The following SEC14L3 variants were observed in gnomAD, a reference collection of about 807,000 sequenced individuals.
The protein encoded by SEC14L3 is SEC14-like protein 3.
Under a neutral mutation model 57.4 loss-of-function variants are expected in SEC14L3, and 56 were observed. The ratio of observed to expected loss-of-function variants is 0.97; its 90% CI spans 0.79 to 1.22. The LOEUF (loss-of-function observed/expected upper bound fraction) is 1.22. Among genes scored for constraint, SEC14L3 ranks in the 50% most tolerant of loss-of-function variants. SEC14L3 has a pLI of 0.00. For missense variants in SEC14L3, 485 were observed against 511.7 expected, an observed-to-expected ratio of 0.95 and a Z score of 0.50; for synonymous variants, 173 against 194.4, an observed-to-expected ratio of 0.89 and a Z score of 0.92.
downstream of SEC14L3, among the ~76,000 whole-genome samples, chr22:30,454,720 C>CTATAATA (rs1472345420): frequency 1.4e-5 from 1 of 71,950 alleles, no homozygotes; most frequent in Non-Finnish European, 2.3e-5. Flanking sequence ...TATATATAAT[C>CTATAATA]TATAATCTAT....
intron 6 of SEC14L3, among the ~76,000 whole-genome samples, chr22:30,466,706 A>G (rs202095647): frequency 6.6e-6 from 1 of 151,804 alleles, no homozygotes; most frequent in Admixed American, 6.6e-5. Context: ...TTGCTGAAGT[A>G]TCCCTACATT....
intron 12 of SEC14L3, chr22:30,449,320 A>C: frequency 6.5e-7 from 1 of 1,527,786 alleles, no homozygotes; most frequent in Non-Finnish European, 8.8e-7. Context: ...GAGGGTCACC[A>C]ATACTAAGGC....
downstream of SEC14L3, among the ~76,000 whole-genome samples, chr22:30,455,141 T>TAAA (rs1430911555): frequency 1.1e-5 from 1 of 93,156 alleles, no homozygotes; most frequent in African/African-American, 4.3e-5. Context: ...TATTTAATAT[T>TAAA]TAATATATAT....
intron 5 of SEC14L3, among the ~76,000 whole-genome samples, chr22:30,468,117 A>T (rs1015601436): frequency 5.3e-5 from 8 of 152,018 alleles, no homozygotes; most frequent in African/African-American, 1.9e-4. Flanking sequence ...CGTCTGTATT[A>T]AAAACACAAA....
intron 1 of SEC14L3, 47 bp from the exon 2 acceptor site, chr22:30,470,629 T>C: frequency 6.2e-7 from 1 of 1,613,502 alleles, no homozygotes; most frequent in Non-Finnish European, 8.5e-7. Flanking sequence ...CATTGAGCCT[T>C]GGCCTCCAGA....
At position 30,459,799 on chromosome 22, in the gene SEC14L3, G is replaced by C; in HGVS notation, c.*222C>G. 1 of 1,227,392 alleles carries C rather than the reference G, an allele frequency of 8.1e-7. No homozygotes were observed. Among genetic ancestry groups the C allele is most frequent in the African/African-American group, 1.5e-5 (1 of 66,232 alleles). The allele number at this position is 1,227,392 out of a possible 1,614,324, so 76.0% of individuals were successfully genotyped here. On this transcript the variant is annotated 3_prime_UTR_variant, in exon 12 of 12. Coordinates refer to ENST00000215812, the MANE Select transcript of SEC14L3 (RefSeq NM_174975.5). ...ACACCCACTTCTTGCCTTTACCCTT[G>C]CTTTTTCCTCTTCTGCAACCTTGGT...
At chr22:30,454,680 ATATAATC>A (rs1935056866), downstream of SEC14L3, among the ~76,000 whole-genome samples, 1 of 101,482 alleles carries the variant, frequency 9.9e-6, no homozygotes, top group Non-Finnish European at 1.7e-5. Context: ...TAATATTATT[ATATAATC>A]TATAATCCAT....
At chr22:30,471,824 G>A in intron 1 of SEC14L3, 81 bp downstream of exon 1, 4 of 1,568,072 alleles carry the variant, frequency 2.6e-6, no homozygotes. Flanking sequence ...CAACTGAGTG[G>A]GGCAGGATTC....
Position 30,470,017 on chromosome 22 carries a change from A to G in SEC14L3, c.234+2T>C, listed in dbSNP as rs778496850. On this transcript the variant is annotated splice_donor_variant, in intron 4 of 11. Coordinates refer to ENST00000215812, the MANE Select transcript of SEC14L3 (RefSeq NM_174975.5). LOFTEE classifies it high-confidence loss of function. ...CTGAGGTGTTTGGCGGTGTTGGCTCACCTCTGGGGGCTGCCAATCAAGGAT... is the reference window on the plus strand; with the variant it reads ...CTGAGGTGTTTGGCGGTGTTGGCTCGCCTCTGGGGGCTGCCAATCAAGGAT... 1.9e-6 allele frequency: 3 copies of G among 1,544,500 alleles called. No individual in the cohort carries two copies. Among genetic ancestry groups the G allele is most frequent in the Non-Finnish European group, 2.6e-6 (3 of 1,145,610 alleles).
chr22:30,466,230 A>C (rs936266959), intron 7 of SEC14L3, 104 bp downstream of exon 7: 46 of 1,110,342 alleles, frequency 4.1e-5, no homozygotes, highest in Middle Eastern at 2.0e-4. Context: ...CAGCCAAGAA[A>C]CCAACCTGCC....
intron 9 of SEC14L3, 78 bp from the exon 10 acceptor site, chr22:30,461,772 C>T: frequency 6.5e-7 from 1 of 1,532,076 alleles, no homozygotes; most frequent in Non-Finnish European, 8.8e-7. Context: ...GACACTTTCA[C>T]CACCTCCTGG....
chr22:30,471,018 C>T (rs1935590501), intron 1 of SEC14L3: 3 of 309,766 alleles, frequency 9.7e-6, no homozygotes, highest in South Asian at 2.7e-5. Context: ...GGTATGGTGG[C>T]TCACGCCTGT....
Position 30,460,143 on chromosome 22 carries a change from C to G in SEC14L3, c.1082-1G>C, listed in dbSNP as rs1255646618. ...TAGGTGTTGTCGAAGCGTAGGACAT[C>G]TGGGGGACAGATGGAAAGAGGGGCA... On this transcript the variant is annotated splice_acceptor_variant, in intron 11 of 11. Coordinates refer to ENST00000215812, the MANE Select transcript of SEC14L3 (RefSeq NM_174975.5). LOFTEE classifies it high-confidence loss of function. The G allele has an allele frequency of 3.1e-6, 5 of 1,613,394 alleles. No homozygotes were observed. The highest frequency in any genetic ancestry group is 3.4e-6 in the Non-Finnish European group (4 of 1,179,584).
downstream of SEC14L3, among the ~76,000 whole-genome samples, chr22:30,454,588 T>A (rs1244442306): frequency 1.3e-5 from 1 of 75,786 alleles, no homozygotes; most frequent in African/African-American, 7.6e-5. Flanking sequence ...ATAATAATAT[T>A]ATTATATATA....
At chr22:30,454,987 TTA>T (rs1935080843), downstream of SEC14L3, among the ~76,000 whole-genome samples, 1 of 70,242 alleles carries the variant, frequency 1.4e-5, no homozygotes, top group Admixed American at 2.6e-4. Flanking sequence ...TTATTATATA[TTA>T]TATATTATAT....
intron 4 of SEC14L3, chr22:30,469,097 T>C (rs961496166): frequency 5.4e-6 from 3 of 559,302 alleles, no homozygotes; most frequent in South Asian, 3.5e-5. Context: ...GCAGATGGGA[T>C]CTCCTGAGGC....
intron 1 of SEC14L3, among the ~76,000 whole-genome samples, chr22:30,471,660 G>A (rs1006655866): frequency 6.6e-6 from 1 of 152,196 alleles, no homozygotes; most frequent in Non-Finnish European, 1.5e-5. Context: ...GAAGAAGTCA[G>A]GCTTGACTTG....
chr22:30,456,847 C>T (rs1341957239), downstream of SEC14L3, among the ~76,000 whole-genome samples: 1 of 152,218 alleles, frequency 6.6e-6, no homozygotes, highest in Non-Finnish European at 1.5e-5. Context: ...CTTGGGAAGC[C>T]TGCCTCTTAC....
chr22:30,465,517 A>G (rs1312561744), intron 7 of SEC14L3, among the ~76,000 whole-genome samples: 1 of 151,452 alleles, frequency 6.6e-6, no homozygotes, highest in East Asian at 1.9e-4. Flanking sequence ...CAGTCAAATA[A>G]CCAGCCAGCC....
Sources: gnomAD v4.1 joint callset for allele counts (sites outside exome capture counted in the v4.1 genomes callset) on GRCh38, gnomAD v4.1.1 for gene constraint, MANE v1.5 for transcripts, NCBI Gene and HGNC (gene_info 2026-07-23, HGNC 2026-07-21) for gene names.